IL12RB2: variants seen among roughly 807,000 people sequenced by gnomAD.
The protein encoded by IL12RB2 is interleukin-12 receptor subunit beta-2.
In IL12RB2, 82 loss-of-function variants were observed where a neutral mutation model predicts 89.4. The observed-to-expected ratio is 0.92, with a 90% CI of 0.77 to 1.10. IL12RB2 has a LOEUF of 1.10. Among genes scored for constraint, IL12RB2 ranks in the 50% least tolerant of loss-of-function variants. IL12RB2 has a pLI of 0.00. For missense variants in IL12RB2, 963 were observed against 1,031.9 expected (o/e 0.93, Z 0.92); for synonymous variants, 368 against 370.1 (o/e 0.99, Z 0.07).
intron 4 of IL12RB2, among the ~76,000 whole-genome samples, chr1:67,324,093 G>A (rs957569498): frequency 2.6e-5 from 4 of 152,124 alleles, no homozygotes; most frequent in Admixed American, 2.6e-4. Context: ...AGTTAATATA[G>A]TATTCTATAT....
At chr1:67,329,008 T>C (rs1483817626) in intron 6 of IL12RB2, among the ~76,000 whole-genome samples, 1 of 152,168 alleles carries the variant, frequency 6.6e-6, no homozygotes, top group South Asian at 2.1e-4. Flanking sequence ...ACTATGTGCT[T>C]CTCGCCTCTC....
At chr1:67,323,373 G>A (rs1220712166) in intron 4 of IL12RB2, among the ~76,000 whole-genome samples, 2 of 152,212 alleles carry the variant, frequency 1.3e-5, no homozygotes, top group African/African-American at 4.8e-5. Context: ...TCTCAACTCT[G>A]CCAGTGGCAG....
At chr1:67,386,208 CAAAA>C (rs755471388) in intron 14 of IL12RB2, among the ~76,000 whole-genome samples, 1 of 54,548 alleles carries the variant, frequency 1.8e-5, no homozygotes, top group Non-Finnish European at 3.1e-5. Context: ...GACTCCATCT[CAAAA>C]AAAAAAAAAA....
intron 4 of IL12RB2, among the ~76,000 whole-genome samples, chr1:67,325,165 A>C (rs1233688825): frequency 1.3e-5 from 2 of 152,270 alleles, no homozygotes; most frequent in Non-Finnish European, 2.9e-5. Flanking sequence ...AGAGTGTGGC[A>C]CATAGTAAGA....
In IL12RB2 at chr1:67,310,772, T is replaced by C. The variant is rs181716827; in HGVS notation, c.-125+2805T>C. ...AGACGGAGTCTTGCTGTCGCCAGGC[T>C]GGAGTGCAGTGGTGCGATCTTGGCT... On this transcript the variant is annotated intron_variant, in intron 1 of 16. Transcript: ENST00000674203. 5.9e-5 allele frequency among the ~76,000 whole-genome samples: 9 copies of C among 152,320 alleles called. No individual in the cohort carries two copies. In the East Asian group the frequency reaches 1.7e-3, roughly 29 times the overall value.
intron 9 of IL12RB2, among the ~76,000 whole-genome samples, chr1:67,344,537 C>T (rs1291964303): frequency 6.6e-6 from 1 of 152,222 alleles, no homozygotes. Context: ...AAGTGATCCT[C>T]CTGCCTCAGC....
intron 2 of IL12RB2, among the ~76,000 whole-genome samples, chr1:67,315,951 AT>A (rs17129758): frequency 0.24 from 36,432 of 152,152 alleles, 4,812 homozygotes; most frequent in African/African-American, 0.35. Context: ...AGAAGAGTAT[AT>A]TTTAACACCT....
intron 15 of IL12RB2, among the ~76,000 whole-genome samples, chr1:67,387,946 G>A (rs1665401253): frequency 6.6e-6 from 1 of 152,168 alleles, no homozygotes; most frequent in Non-Finnish European, 1.5e-5. Flanking sequence ...GGGAGGCTGA[G>A]GCAGGCAGAT....
In IL12RB2 at chr1:67,333,389, CTT is replaced by C. The variant is rs546599054; in HGVS notation, c.958+2596_958+2597del. ...GCATTTAAAAAAAATTAATAGTAAG[CTT>C]TTTTTTTTTTTTTTTTAGGTACTCT... On this transcript the variant is annotated intron_variant, in intron 8 of 16. Coordinates refer to ENST00000674203, the MANE Select transcript of IL12RB2 (RefSeq NM_001374259.2). Among the ~76,000 whole-genome samples, 617 of 123,972 alleles carry C rather than the reference CTT, an allele frequency of 5.0e-3. 2 individuals carry two copies. The highest frequency in any genetic ancestry group is 0.016 in the African/African-American group (557 of 34,264). 81.3% of individuals were successfully genotyped at this position (123,972 alleles called of 152,430 possible).
intron 13 of IL12RB2, among the ~76,000 whole-genome samples, chr1:67,378,413 C>A (rs1369713216): frequency 6.9e-6 from 1 of 144,254 alleles, no homozygotes; most frequent in East Asian, 2.0e-4. Context: ...ACATAAGGAA[C>A]TGGTAATCTA....
intron 2 of IL12RB2, among the ~76,000 whole-genome samples, chr1:67,317,171 C>G (rs1319431016): frequency 6.6e-6 from 1 of 152,116 alleles, no homozygotes; most frequent in Admixed American, 6.6e-5. Context: ...GGAGTATAAG[C>G]AGCTCAGTGT....
chr1:67,326,611 A>G (rs1195620258), intron 4 of IL12RB2, 124 bp from the exon 5 acceptor site: 1 of 1,460,954 alleles, frequency 6.8e-7, no homozygotes, highest in African/African-American at 1.4e-5. Flanking sequence ...AATCTAAAAT[A>G]GCTTCTAGTT....
chr1:67,341,522 A>G (rs1157674568), intron 9 of IL12RB2, among the ~76,000 whole-genome samples: 4,838 of 91,814 alleles, frequency 0.053, 85 homozygotes, highest in Non-Finnish European at 0.069. Context: ...AGGAAAGAAA[A>G]AAGAAAGAGA....
chr1:67,348,120 G>A (rs1000341328), intron 9 of IL12RB2, among the ~76,000 whole-genome samples: 6 of 151,950 alleles, frequency 3.9e-5, no homozygotes, highest in Admixed American at 1.3e-4. Context: ...GGGCTCCTCC[G>A]GTTTGCAGTC....
intron 8 of IL12RB2, among the ~76,000 whole-genome samples, chr1:67,337,042 G>A (rs1658861461): frequency 6.6e-6 from 1 of 152,132 alleles, no homozygotes; most frequent in Admixed American, 6.5e-5. Flanking sequence ...TCACAGAGCT[G>A]GGCTTACCCC....
chr1:67,325,240 C>T (rs1002978177), intron 4 of IL12RB2, among the ~76,000 whole-genome samples: 1 of 152,210 alleles, frequency 6.6e-6, no homozygotes, highest in African/African-American at 2.4e-5. Flanking sequence ...GCAAGAGCCT[C>T]CAGTGGTTTT....
intron 11 of IL12RB2, among the ~76,000 whole-genome samples, chr1:67,368,993 T>C (rs1663002170): frequency 6.6e-6 from 1 of 152,216 alleles, no homozygotes; most frequent in African/African-American, 2.4e-5. Context: ...AATGTTTCTA[T>C]AACAATCATT....
chr1:67,339,552 A>G (rs1199163876), intron 9 of IL12RB2, among the ~76,000 whole-genome samples: 1 of 152,178 alleles, frequency 6.6e-6, no homozygotes, highest in Non-Finnish European at 1.5e-5. Context: ...AGGAATGGTA[A>G]TAAAACAGTA....
intron 8 of IL12RB2, among the ~76,000 whole-genome samples, chr1:67,333,091 A>T (rs1234491737): frequency 6.6e-6 from 1 of 152,242 alleles, no homozygotes; most frequent in African/African-American, 2.4e-5. Context: ...GTATTCATAA[A>T]GAGAGAAACC....
Sources: allele counts gnomAD v4.1 joint callset (sites outside exome capture counted in the v4.1 genomes callset), GRCh38; gene constraint gnomAD v4.1.1; transcripts MANE v1.5; gene names NCBI Gene and HGNC (gene_info 2026-07-23, HGNC 2026-07-21).